The following ELMO1 variants were observed in gnomAD, a reference collection of about 807,000 sequenced individuals.
ELMO1 encodes the protein engulfment and cell motility protein 1.
In ELMO1, 26 loss-of-function variants were observed where a neutral mutation model predicts 98.9. The observed-to-expected ratio is 0.26, with a 90% CI of 0.19 to 0.36. The LOEUF (loss-of-function observed/expected upper bound fraction) is 0.36. Ranked by LOEUF, ELMO1 falls within the 10% of genes least tolerant of loss-of-function variation. ELMO1 has a pLI of 1.00. For missense variants in ELMO1, 627 were observed against 935.2 expected (o/e 0.67, Z 4.30); for synonymous variants, 346 against 346.0 (o/e 1.00, Z 0.00).
chr7:37,019,417 G>A (rs1794142334), intron 15 of ELMO1, among the ~76,000 whole-genome samples: 1 of 152,242 alleles, frequency 6.6e-6, no homozygotes, highest in East Asian at 1.9e-4. Context: ...ATTTCGCTGT[G>A]AGGATCAAAT....
At chr7:37,141,302 G>A (rs889710905) in intron 13 of ELMO1, among the ~76,000 whole-genome samples, 5 of 152,130 alleles carry the variant, frequency 3.3e-5, no homozygotes, top group African/African-American at 7.2e-5. Flanking sequence ...ACCAAACATC[G>A]TATGTTCTCA....
At chr7:37,207,550 C>CA (rs1007064335) in intron 13 of ELMO1, among the ~76,000 whole-genome samples, 44 of 151,700 alleles carry the variant, frequency 2.9e-4, no homozygotes, top group African/African-American at 9.7e-4. Flanking sequence ...GACTCTGTCT[C>CA]AAAAAAAAGA....
intron 13 of ELMO1, among the ~76,000 whole-genome samples, chr7:37,151,198 G>A (rs913239425): frequency 2.6e-5 from 4 of 152,204 alleles, no homozygotes; most frequent in Non-Finnish European, 5.9e-5. Context: ...GAGGTCTCTT[G>A]GGTTTGGGCC....
At chr7:37,212,081 C>CTGGA (rs1436818331) in intron 12 of ELMO1, among the ~76,000 whole-genome samples, 1 of 152,188 alleles carries the variant, frequency 6.6e-6, no homozygotes, top group African/African-American at 2.4e-5. Flanking sequence ...ATGCTACAAT[C>CTGGA]TGGATGAGCT....
chr7:37,442,833 T>C (rs148190263), intron 1 of ELMO1, among the ~76,000 whole-genome samples: 1 of 152,318 alleles, frequency 6.6e-6, no homozygotes, highest in Non-Finnish European at 1.5e-5. Context: ...CATGGCATCC[T>C]GGCCTCAGAG....
At chr7:37,414,497 G>A (rs530334347) in intron 1 of ELMO1, among the ~76,000 whole-genome samples, 3 of 152,334 alleles carry the variant, frequency 2.0e-5, no homozygotes, top group Admixed American at 6.5e-5. Context: ...CATACACCAA[G>A]TCACTCTTCT....
At chr7:37,131,195 A>T (rs1448510935) in intron 14 of ELMO1, among the ~76,000 whole-genome samples, 8 of 152,034 alleles carry the variant, frequency 5.3e-5, no homozygotes, top group Non-Finnish European at 1.0e-4. Flanking sequence ...AAATGCCCCA[A>T]AGTCAAATGG....
chr7:37,062,383 A>C (rs1002495721), intron 15 of ELMO1, among the ~76,000 whole-genome samples: 1 of 152,168 alleles, frequency 6.6e-6, no homozygotes, highest in Non-Finnish European at 1.5e-5. Flanking sequence ...TTTCTCTCTA[A>C]ATTTCTTACG....
At chr7:36,983,372 C>T (rs958499337) in intron 16 of ELMO1, among the ~76,000 whole-genome samples, 3 of 152,200 alleles carry the variant, frequency 2.0e-5, no homozygotes, top group Non-Finnish European at 2.9e-5. Flanking sequence ...TTCAATTTGA[C>T]TTTAATTATT....
intron 8 of ELMO1, among the ~76,000 whole-genome samples, chr7:37,232,570 G>A (rs1794234876): frequency 6.6e-6 from 1 of 152,150 alleles, no homozygotes; most frequent in Admixed American, 6.5e-5. Context: ...ATGAAGAACT[G>A]GTAGAACTGG....
chr7:37,009,236 C>T (rs1446564611), intron 16 of ELMO1, among the ~76,000 whole-genome samples: 2 of 152,134 alleles, frequency 1.3e-5, no homozygotes, highest in Non-Finnish European at 2.9e-5. Context: ...TAGCTCTTCT[C>T]TAATGCCCAT....
At chr7:36,908,271 A>G (rs1784103189) in intron 16 of ELMO1, among the ~76,000 whole-genome samples, 1 of 152,238 alleles carries the variant, frequency 6.6e-6, no homozygotes, top group African/African-American at 2.4e-5. Context: ...AACAAATTCT[A>G]GACCTACTGA....
chr7:37,162,050 G>A (rs1404618285), intron 13 of ELMO1, among the ~76,000 whole-genome samples: 2 of 149,176 alleles, frequency 1.3e-5, no homozygotes, highest in Non-Finnish European at 3.0e-5. Flanking sequence ...GGGATTAATG[G>A]AAGAGGGAGA....
intron 15 of ELMO1, among the ~76,000 whole-genome samples, chr7:37,087,347 T>C (rs1783842935): frequency 1.3e-5 from 2 of 152,184 alleles, no homozygotes; most frequent in African/African-American, 4.8e-5. Flanking sequence ...ATCAGCATCA[T>C]ATAGCATCCC....
At chr7:36,985,702 T>A (rs753365820) in intron 16 of ELMO1, among the ~76,000 whole-genome samples, 9 of 152,232 alleles carry the variant, frequency 5.9e-5, no homozygotes, top group Non-Finnish European at 5.9e-5. Flanking sequence ...AGACAACCAA[T>A]GTCCAAGTAT....
intron 16 of ELMO1, among the ~76,000 whole-genome samples, chr7:36,991,740 T>G (rs956043634): frequency 1.3e-5 from 2 of 152,232 alleles, no homozygotes; most frequent in African/African-American, 4.8e-5. Context: ...CCCAGGATGC[T>G]GAGCTCTCTG....
intron 16 of ELMO1, among the ~76,000 whole-genome samples, chr7:36,990,349 G>A (rs1293556155): frequency 6.6e-6 from 1 of 152,152 alleles, no homozygotes; most frequent in Admixed American, 6.5e-5. Flanking sequence ...CCCAAGAACT[G>A]GCATGAAGTT....
chr7:36,925,371 GC>G (rs1281180829), intron 16 of ELMO1, among the ~76,000 whole-genome samples: 1 of 152,190 alleles, frequency 6.6e-6, no homozygotes, highest in Non-Finnish European at 1.5e-5. Context: ...ATAGCTCCCA[GC>G]CCCTCAGATC....
At chr7:37,006,369 A>C (rs1271036956) in intron 16 of ELMO1, among the ~76,000 whole-genome samples, 1 of 152,206 alleles carries the variant, frequency 6.6e-6, no homozygotes, top group East Asian at 1.9e-4. Context: ...CTTAATCCCC[A>C]CAGTGACTCT....
Sources: allele counts gnomAD v4.1 joint callset (sites outside exome capture counted in the v4.1 genomes callset), GRCh38; gene constraint gnomAD v4.1.1; transcripts MANE v1.5; gene names NCBI Gene and HGNC (gene_info 2026-07-23, HGNC 2026-07-21).